The following RAB6A variants were observed in gnomAD, a reference collection of about 807,000 sequenced individuals.
RAB6A encodes ras-related protein Rab-6A.
In RAB6A, 8 loss-of-function variants were observed where a neutral mutation model predicts 32.3. The observed-to-expected ratio is 0.25, with a 90% CI of 0.15 to 0.45. RAB6A has a LOEUF of 0.45. Among genes scored for constraint, RAB6A ranks in the 20% least tolerant of loss-of-function variants. The pLI is 1.00. For missense variants in RAB6A, 104 were observed against 249.4 expected (o/e 0.42, Z 3.93); for synonymous variants, 73 against 82.1 (o/e 0.89, Z 0.60).
intron 1 of RAB6A, among the ~76,000 whole-genome samples, chr11:73,743,236 C>T (rs1343867875): frequency 2.7e-5 from 4 of 146,238 alleles, no homozygotes; most frequent in Admixed American, 1.4e-4. Flanking sequence ...ACCTGGGAGG[C>T]GGAGGTTGCA....
At chr11:73,691,538 C>T (rs191909980) in intron 6 of RAB6A, among the ~76,000 whole-genome samples, 117 of 152,294 alleles carry the variant, frequency 7.7e-4, no homozygotes, top group African/African-American at 2.7e-3. Flanking sequence ...TCTATCTTTC[C>T]CTCTAGACTT....
intron 4 of RAB6A, among the ~76,000 whole-genome samples, chr11:73,717,740 G>A (rs539648368): frequency 3.9e-5 from 6 of 152,300 alleles, no homozygotes; most frequent in Non-Finnish European, 8.8e-5. Context: ...CACTGTGCCC[G>A]GCCTAAACCT....
At chr11:73,731,038 T>A (rs1946293366) in intron 1 of RAB6A, among the ~76,000 whole-genome samples, 1 of 152,160 alleles carries the variant, frequency 6.6e-6, no homozygotes, top group African/African-American at 2.4e-5. Flanking sequence ...GTAAACAGTC[T>A]ATAGTTAAAA....
At chr11:73,740,958 G>A (rs532381506) in intron 1 of RAB6A, among the ~76,000 whole-genome samples, 43 of 151,996 alleles carry the variant, frequency 2.8e-4, no homozygotes, top group Middle Eastern at 3.4e-3. Context: ...AATGAATGTG[G>A]TTGTATAGAA....
intron 6 of RAB6A, among the ~76,000 whole-genome samples, chr11:73,706,683 G>A (rs948668368): frequency 1.1e-4 from 16 of 151,988 alleles, no homozygotes; most frequent in Non-Finnish European, 2.1e-4. Context: ...CCCCCAAAAA[G>A]ACCTGTTGTA....
At chr11:73,689,917 A>G (rs868066534) in intron 6 of RAB6A, among the ~76,000 whole-genome samples, 1 of 150,796 alleles carries the variant, frequency 6.6e-6, no homozygotes, top group Admixed American at 6.6e-5. Flanking sequence ...AAAAAAAAAA[A>G]GACCGACTCA....
At chr11:73,709,437 A>ATATTATTATTATTATTATTAT (rs3046615) in intron 5 of RAB6A, among the ~76,000 whole-genome samples, 8 of 137,130 alleles carry the variant, frequency 5.8e-5, no homozygotes, top group South Asian at 2.5e-4. Flanking sequence ...CTCCTTAAGT[A>ATATTATTATTATTATTATTAT]TATTATTATT....
chr11:73,714,968 A>C (rs1464436881), intron 5 of RAB6A, among the ~76,000 whole-genome samples: 1 of 152,202 alleles, frequency 6.6e-6, no homozygotes, highest in African/African-American at 2.4e-5. Context: ...TCCATCCCAA[A>C]AAAAGAAAAG....
intron 6 of RAB6A, among the ~76,000 whole-genome samples, chr11:73,686,809 A>G (rs1945465051): frequency 6.6e-6 from 1 of 152,152 alleles, no homozygotes; most frequent in Admixed American, 6.6e-5. Context: ...CATTATATAT[A>G]TACATATACT....
intron 6 of RAB6A, among the ~76,000 whole-genome samples, chr11:73,685,008 C>T (rs1945419896): frequency 1.3e-5 from 2 of 152,108 alleles, no homozygotes; most frequent in Non-Finnish European, 2.9e-5. Context: ...AAGAGATATA[C>T]AAATCACATA....
At chr11:73,710,683 G>A (rs1590850798) in intron 5 of RAB6A, among the ~76,000 whole-genome samples, 1 of 151,902 alleles carries the variant, frequency 6.6e-6, no homozygotes, top group East Asian at 1.9e-4. Flanking sequence ...GTTGCAGTGA[G>A]CCGAGGTTGT....
At chr11:73,755,120 G>C (rs942525228) in intron 1 of RAB6A, among the ~76,000 whole-genome samples, 1 of 151,484 alleles carries the variant, frequency 6.6e-6, no homozygotes, top group African/African-American at 2.4e-5. Context: ...TAGTAGAGAC[G>C]GGGTTTCACC....
At chr11:73,699,775 G>A (rs1945712820) in intron 6 of RAB6A, among the ~76,000 whole-genome samples, 1 of 152,114 alleles carries the variant, frequency 6.6e-6, no homozygotes, top group South Asian at 2.1e-4. Context: ...TGCCACACTT[G>A]ATACCTATGG....
In RAB6A at chr11:73,732,859, C is replaced by A. The variant is rs1323768171; in HGVS notation, c.71-2036G>T. Among the ~76,000 whole-genome samples the A allele has an allele frequency of 2.6e-5, 4 of 151,778 alleles. No individual in the cohort carries two copies. The South Asian group carries it at 8.4e-4, about 32-fold the overall frequency. On this transcript the variant is annotated intron_variant, in intron 1 of 7. Coordinates refer to ENST00000336083, the MANE Select transcript of RAB6A (RefSeq NM_198896.2). ...ACGATGTCTTGCTCTGTCACCCAGG[C>A]TGGAGTGCAGTGACGCGATCTCGGC...
chr11:73,748,729 G>C (rs749256052), intron 1 of RAB6A, among the ~76,000 whole-genome samples: 7 of 152,156 alleles, frequency 4.6e-5, no homozygotes, highest in Non-Finnish European at 8.8e-5. Flanking sequence ...ACAGTATTTA[G>C]TTAAATCACA....
chr11:73,722,831 G>C lies in RAB6A; in HGVS notation c.130-1932C>G, dbSNP rs547624224. ...TTATTTATTTATTTATTTAGAGACA[G>C]AGTCTCGCTCAGTCGCCCAGGCTGG... On this transcript the variant is annotated intron_variant, in intron 2 of 7. Coordinates refer to ENST00000336083, the MANE Select transcript of RAB6A (RefSeq NM_198896.2). 1.3e-3 allele frequency: 199 copies of C among 152,264 alleles called. 1 individual carries two copies. Among genetic ancestry groups the C allele is most frequent in the African/African-American group, 4.6e-3 (190 of 41,542 alleles). The allele number at this position is 152,264 out of a possible 1,614,324, so 9.4% of individuals were successfully genotyped here.
At position 73,760,877 on chromosome 11, in the gene RAB6A, G is replaced by A. The variant is rs977779323; in HGVS notation, c.-242C>T. On this transcript the variant is annotated 5_prime_UTR_variant, in exon 1 of 8. Coordinates refer to ENST00000336083, the MANE Select transcript of RAB6A (RefSeq NM_198896.2). ...GCCCGCGGCTGGGAAGGGAAGGAGG[G>A]CGGTGTCGGCAGGAGCCAGGGGTGT... The A allele has an allele frequency of 9.9e-6, 5 of 507,594 alleles. No homozygotes were observed. The African/African-American group carries it at 1.0e-4, about 10-fold the overall frequency. The allele number at this position is 507,594 out of a possible 1,614,324, so 31.4% of individuals were successfully genotyped here. A position where few individuals can be genotyped will look rare whatever the true frequency, so the allele number is the denominator to read the frequency against.
chr11:73,726,210 A>G (rs777873322), intron 2 of RAB6A, among the ~76,000 whole-genome samples: 36 of 149,510 alleles, frequency 2.4e-4, no homozygotes, highest in Non-Finnish European at 4.6e-4. Context: ...GCTTGAACCC[A>G]GGAGGCAGAG....
At chr11:73,749,124 TAAAAAAAGGA>T (rs1946637803) in intron 1 of RAB6A, among the ~76,000 whole-genome samples, 1 of 151,340 alleles carries the variant, frequency 6.6e-6, no homozygotes, top group African/African-American at 2.4e-5. Context: ...GACTCTATCT[TAAAAAAAGGA>T]AAAAAAAGAA....
Sources: allele counts gnomAD v4.1 joint callset (sites outside exome capture counted in the v4.1 genomes callset), GRCh38; gene constraint gnomAD v4.1.1; transcripts MANE v1.5; gene names NCBI Gene and HGNC (gene_info 2026-07-23, HGNC 2026-07-21).